Variants in GET1 observed in about 807,000 individuals in gnomAD.
GET1 encodes the protein congenital heart disease 5 protein.
In GET1, 20 loss-of-function variants were observed where a neutral mutation model predicts 22.6. That is an observed-to-expected ratio of 0.89 (90% CI 0.62 to 1.29). The LOEUF (loss-of-function observed/expected upper bound fraction) is 1.29. Ranked by LOEUF, GET1 falls within the 50% of genes most tolerant of loss-of-function variation. The probability of loss-of-function intolerance (pLI) is 0.00; values close to 1 mark genes in which losing one functional copy is unlikely to be tolerated. For synonymous variants in GET1, 92 were observed against 83.8 expected (o/e 1.10, Z -0.53); for missense variants, 209 against 219.9 (o/e 0.95, Z 0.31).
At chr21:39,421,805 C>T (rs2073813495) in intron 1 of GET1, 1 of 151,876 alleles carries the variant, frequency 6.6e-6, no homozygotes, top group Non-Finnish European at 1.5e-5. Flanking sequence ...TTTTGGTCCA[C>T]AAAACAGTTT....
intron 1 of GET1, among the ~76,000 whole-genome samples, chr21:39,385,437 C>A (rs960119400): frequency 5.9e-5 from 9 of 152,160 alleles, no homozygotes; most frequent in African/African-American, 2.2e-4. Context: ...CTGGTAAGGA[C>A]ACCAAGTCCG....
Position 39,393,192 on chromosome 21 carries a change from G to C in GET1, c.363G>C (p.Trp121Cys), listed in dbSNP as rs766372446. The part of the protein sequence containing the change: ...LQAALMISLI[W>C]KYYSVPVAVV... ...CTGCCCTGATGATCTCACTCATTTG[G>C]AAGTATTATTCTGTCCCTGTGGCTG... Residue 121 changes from tryptophan (W) to cysteine (C), a missense_variant, in exon 4 of 5, where the codon TGG becomes TGC. Physicochemically the swap from Trp to Cys is radical, Grantham distance 215. Coordinates refer to ENST00000649170, the MANE Select transcript of GET1 (RefSeq NM_004627.6). The C allele has an allele frequency of 6.2e-7, 1 of 1,614,180 alleles. No individual in the cohort carries two copies. The highest frequency in any genetic ancestry group is 8.5e-7 in the Non-Finnish European group (1 of 1,180,026).
chr21:39,426,369 A>G (rs907816435), intron 1 of GET1, among the ~76,000 whole-genome samples: 1 of 152,222 alleles, frequency 6.6e-6, no homozygotes, highest in Non-Finnish European at 1.5e-5. Flanking sequence ...TCTCTTGTAG[A>G]AAGTTTTATA....
At chr21:39,423,486 C>T (rs2074083155) in intron 1 of GET1, 1 of 1,555,656 alleles carries the variant, frequency 6.4e-7, no homozygotes, top group Non-Finnish European at 8.6e-7. Flanking sequence ...ATATTTCCTT[C>T]TGGCCTGTGT....
At chr21:39,410,153 T>C, downstream of GET1, 1 of 1,315,092 alleles carries the variant, frequency 7.6e-7, no homozygotes, top group Non-Finnish European at 1.1e-6. Flanking sequence ...AACTTAAAAT[T>C]GCATTTTATT....
intron 1 of GET1, chr21:39,423,282 T>C (rs1010372553): frequency 8.1e-6 from 13 of 1,609,226 alleles, no homozygotes; most frequent in Middle Eastern, 3.3e-4. Context: ...TAAGCTGAAG[T>C]TGTTTCAAAA....
chr21:39,389,640 C>T (rs1167634614), intron 1 of GET1, among the ~76,000 whole-genome samples: 1 of 152,146 alleles, frequency 6.6e-6, no homozygotes, highest in African/African-American at 2.4e-5. Flanking sequence ...ATGTCTGTCT[C>T]CCTCACCCTA....
intron 1 of GET1, among the ~76,000 whole-genome samples, chr21:39,417,283 G>A (rs997745292): frequency 5.3e-5 from 8 of 151,972 alleles, no homozygotes; most frequent in African/African-American, 1.2e-4. Flanking sequence ...CAGGTGATCC[G>A]CCCACCTTGG....
intron 4 of GET1, among the ~76,000 whole-genome samples, chr21:39,403,937 A>AT (rs2038916221): frequency 7.0e-6 from 1 of 142,612 alleles, no homozygotes; most frequent in Admixed American, 7.0e-5. Context: ...TTATTTTTAT[A>AT]TTTTTTGAGA....
At chr21:39,408,709 CT>C (rs2039537760), downstream of GET1, 1 of 152,242 alleles carries the variant, frequency 6.6e-6, no homozygotes, top group Non-Finnish European at 1.5e-5. Flanking sequence ...ATAGGAAAAT[CT>C]GGGCAGCCCG....
Position 39,397,760 on chromosome 21 carries a change from A to G in GET1, c.*821A>G, listed in dbSNP as rs558448949. ...AATGTTCCTTAAAACACTTTTTTCT[A>G]ATTAAAATCTTTGCAAATGCTTGTG... On this transcript the variant is annotated 3_prime_UTR_variant, in exon 5 of 5. Coordinates refer to ENST00000649170, the MANE Select transcript of GET1 (RefSeq NM_004627.6). The G allele has an allele frequency of 6.6e-6, 1 of 152,156 alleles. No individual in the cohort carries two copies. The highest frequency in any genetic ancestry group is 2.4e-5 in the African/African-American group (1 of 41,440). 9.4% of individuals were successfully genotyped at this position (152,156 alleles called of 1,614,324 possible). A position where few individuals can be genotyped will look rare whatever the true frequency, so the allele number is the denominator to read the frequency against.
At chr21:39,381,158 A>G (rs1385785589) in intron 1 of GET1, among the ~76,000 whole-genome samples, 1 of 151,912 alleles carries the variant, frequency 6.6e-6, no homozygotes, top group African/African-American at 2.4e-5. Flanking sequence ...TAGTGACTGG[A>G]GGTGGAGATT....
At chr21:39,427,431 G>A (rs2074924377) in intron 1 of GET1, among the ~76,000 whole-genome samples, 1 of 152,166 alleles carries the variant, frequency 6.6e-6, no homozygotes, top group Admixed American at 6.5e-5. Flanking sequence ...GGGAGGCCGA[G>A]GCAGGCGGAT....
chr21:39,388,483 T>A (rs985817208), intron 1 of GET1, among the ~76,000 whole-genome samples: 2 of 152,216 alleles, frequency 1.3e-5, no homozygotes, highest in Non-Finnish European at 2.9e-5. Flanking sequence ...TTCCCAGTCT[T>A]CCCTTGACTT....
intron 4 of GET1, among the ~76,000 whole-genome samples, chr21:39,403,898 G>A (rs2038914782): frequency 6.6e-6 from 1 of 152,058 alleles, no homozygotes; most frequent in Non-Finnish European, 1.5e-5. Flanking sequence ...TGGGATTACA[G>A]GCGTGAGCCA....
intron 1 of GET1, among the ~76,000 whole-genome samples, chr21:39,385,752 G>A (rs1330474677): frequency 6.6e-6 from 1 of 152,020 alleles, no homozygotes; most frequent in Non-Finnish European, 1.5e-5. Flanking sequence ...CACTGCGCAG[G>A]TGCTCCAGGA....
intron 1 of GET1, among the ~76,000 whole-genome samples, chr21:39,381,133 A>G (rs929355441): frequency 3.3e-5 from 5 of 152,198 alleles, no homozygotes; most frequent in African/African-American, 9.7e-5. Flanking sequence ...TAGTGGTGGC[A>G]CTAAGTCATC....
chr21:39,380,935 G>GTA, intron 1 of GET1: 2 of 187,974 alleles, frequency 1.1e-5, no homozygotes, highest in Non-Finnish European at 2.0e-5. Flanking sequence ...GGTAGGGTGG[G>GTA]AGACAGGTGT....
Position 39,397,038 on chromosome 21 carries a change from C to A in GET1, c.*99C>A. On this transcript the variant is annotated 3_prime_UTR_variant, in exon 5 of 5. Coordinates refer to ENST00000649170, the MANE Select transcript of GET1 (RefSeq NM_004627.6). Reference sequence around the variant, plus strand: ...TTTTGTTTTTTAAGAAACAAAAGTGCATAGTTTAGATTTTTTTTTTGTTGA... The same window carrying A: ...TTTTGTTTTTTAAGAAACAAAAGTGAATAGTTTAGATTTTTTTTTTGTTGA... 2 of 1,291,732 alleles carry A rather than the reference C, an allele frequency of 1.5e-6. No individual in the cohort carries two copies. Among genetic ancestry groups the A allele is most frequent in the Non-Finnish European group, 2.2e-6 (2 of 915,526 alleles). 80.0% of individuals were successfully genotyped at this position (1,291,732 alleles called of 1,614,324 possible). A position where few individuals can be genotyped will look rare whatever the true frequency, so the allele number is the denominator to read the frequency against.
Sources: gnomAD v4.1 joint callset for allele counts (sites outside exome capture counted in the v4.1 genomes callset) on GRCh38, gnomAD v4.1.1 for gene constraint, MANE v1.5 for transcripts, NCBI Gene and HGNC (gene_info 2026-07-23, HGNC 2026-07-21) for gene names.